DEFB109B: variants seen among roughly 807,000 people sequenced by gnomAD.
DEFB109B encodes the protein defensin beta 109B.
At chr8:7,312,229 G>T (rs1253304202), upstream of DEFB109B, among the ~76,000 whole-genome samples, 2 of 134,996 alleles carry the variant, frequency 1.5e-5, no homozygotes, top group Non-Finnish European at 3.0e-5. Context: ...AAGGGTTAAA[G>T]CTATAAAAAA....
intron 1 of DEFB109B, chr8:7,319,525 A>T (rs1420919320): frequency 1.5e-5 from 2 of 133,236 alleles, no homozygotes; most frequent in East Asian, 4.4e-4. Flanking sequence ...CTCCTCCCAC[A>T]TCCCTTTTCC....
At chr8:7,315,534 G>C (rs1585315209) in intron 1 of DEFB109B, among the ~76,000 whole-genome samples, 1 of 132,484 alleles carries the variant, frequency 7.5e-6, no homozygotes, top group Non-Finnish European at 1.5e-5. Flanking sequence ...AATAAAGAAA[G>C]AAAGAGAAAG....
upstream of DEFB109B, among the ~76,000 whole-genome samples, chr8:7,310,553 G>A (rs1423911449): frequency 5.0e-5 from 7 of 139,110 alleles, no homozygotes; most frequent in Admixed American, 1.4e-4. Flanking sequence ...ATCCAAGATT[G>A]TCATCTGCAC....
chr8:7,319,816 C>T (rs1162172279), exon 2 of DEFB109B: 3 of 127,718 alleles, frequency 2.3e-5, no homozygotes, highest in Non-Finnish European at 4.7e-5. Context: ...CAGATGTCTG[C>T]AACATAGTAG....
At position 7,319,735 on chromosome 8, in the gene DEFB109B, C is replaced by T. The variant is rs911504305; in HGVS notation, n.59-11C>T. 1 of 147,866 alleles carries T rather than the reference C, an allele frequency of 6.8e-6. No individual in the cohort carries two copies. The highest frequency in any genetic ancestry group is 1.9e-4 in the East Asian group (1 of 5,182). The allele number at this position is 147,866 out of a possible 1,614,324, so 9.2% of individuals were successfully genotyped here. ...TGGACTAACTATCTCACTGGATCTT[C>T]TTTCCTTCAGTAAGAGGTGGTTTGG... On this transcript the variant is annotated splice_polypyrimidine_tract_variant and intron_variant and non_coding_transcript_variant, in intron 1 of 1. Transcript: ENST00000382656.
chr8:7,319,880 A>AT (rs1355790464), exon 2 of DEFB109B: 1 of 75,138 alleles, frequency 1.3e-5, no homozygotes, highest in Non-Finnish European at 2.3e-5. Context: ...AGCATGGTGG[A>AT]TTTTAATGCC....
upstream of DEFB109B, among the ~76,000 whole-genome samples, chr8:7,312,101 G>GC (rs1563238056): frequency 1.0e-5 from 1 of 95,768 alleles, no homozygotes; most frequent in Non-Finnish European, 1.8e-5. Flanking sequence ...GGGTGGGGGG[G>GC]GGGAACAGAT....
At chr8:7,310,503 T>C (rs1185991809), upstream of DEFB109B, among the ~76,000 whole-genome samples, 4 of 132,720 alleles carry the variant, frequency 3.0e-5, 2 homozygotes, top group African/African-American at 1.5e-4. Flanking sequence ...AGGAAAATTA[T>C]TATTAGGATT....
chr8:7,319,760 G>C (rs1215395379), exon 2 of DEFB109B: 1 of 145,820 alleles, frequency 6.9e-6, no homozygotes, highest in Non-Finnish European at 1.5e-5. Context: ...AGGTGGTTTG[G>C]GTCCTGCGGA....
chr8:7,319,224 A>G (rs1803147499), intron 1 of DEFB109B: 1 of 104,422 alleles, frequency 9.6e-6, no homozygotes, highest in Admixed American at 9.6e-5. Context: ...ATGGCAACAC[A>G]GTGAAGCCAA....
chr8:7,315,669 T>C (rs1216961223), intron 1 of DEFB109B, among the ~76,000 whole-genome samples: 3 of 131,682 alleles, frequency 2.3e-5, no homozygotes, highest in Admixed American at 1.4e-4. Context: ...GTTCACTTGT[T>C]TCCTTCTTAT....
chr8:7,313,676 G>A (rs1466290834), intron 1 of DEFB109B, among the ~76,000 whole-genome samples: 9 of 141,986 alleles, frequency 6.3e-5, no homozygotes, highest in African/African-American at 2.5e-4. Flanking sequence ...GGCTAAGCAT[G>A]CATTTTGGGG....
chr8:7,312,419 G>A (rs1267628870), upstream of DEFB109B, among the ~76,000 whole-genome samples: 1 of 139,538 alleles, frequency 7.2e-6, no homozygotes, highest in East Asian at 2.0e-4. Flanking sequence ...GGATATTGGT[G>A]TGGTAACAAG....
At chr8:7,313,306 CTA>C (rs1257872699) in intron 1 of DEFB109B, among the ~76,000 whole-genome samples, 2 of 144,860 alleles carry the variant, frequency 1.4e-5, no homozygotes, top group Non-Finnish European at 2.9e-5. Context: ...TCGGTGGCAT[CTA>C]TTATTATATT....
chr8:7,315,689 G>C (rs1802874001), intron 1 of DEFB109B, among the ~76,000 whole-genome samples: 1 of 134,710 alleles, frequency 7.4e-6, no homozygotes, highest in Non-Finnish European at 1.5e-5. Flanking sequence ...TCTCCATCAA[G>C]GGCAGCTTCC....
chr8:7,316,834 G>C (rs1269942454), intron 1 of DEFB109B, among the ~76,000 whole-genome samples: 1 of 130,340 alleles, frequency 7.7e-6, no homozygotes, highest in Non-Finnish European at 1.5e-5. Flanking sequence ...GTAGAGACAA[G>C]TTTTCACCAT....
exon 2 of DEFB109B, chr8:7,319,778 T>C (rs1304461071): frequency 1.4e-5 from 2 of 143,198 alleles, no homozygotes; most frequent in African/African-American, 3.0e-5. Context: ...GGAAGGTCAT[T>C]GTCTCAATTT....
At chr8:7,315,785 T>G (rs1802881876) in intron 1 of DEFB109B, among the ~76,000 whole-genome samples, 1 of 145,704 alleles carries the variant, frequency 6.9e-6, no homozygotes, top group Non-Finnish European at 1.5e-5. Flanking sequence ...ACTCTGAATT[T>G]AAGTTAATTA....
chr8:7,317,261 T>TAGAA (rs1442400563), intron 1 of DEFB109B, among the ~76,000 whole-genome samples: 1 of 144,198 alleles, frequency 6.9e-6, no homozygotes, highest in Admixed American at 6.6e-5. Flanking sequence ...TATCTCAATA[T>TAGAA]AGAAGTTCCA....
Sources: gnomAD v4.1 joint callset for allele counts (sites outside exome capture counted in the v4.1 genomes callset) on GRCh38, gnomAD v4.1.1 for gene constraint, MANE v1.5 for transcripts, NCBI Gene and HGNC (gene_info 2026-07-23, HGNC 2026-07-21) for gene names.